Variants in CEP70 observed in about 807,000 individuals in gnomAD.
CEP70 encodes the protein centrosomal protein 70, also known as centrosomal protein of 70 kDa.
Under a neutral mutation model 90.9 loss-of-function variants are expected in CEP70, and 70 were observed. The observed-to-expected ratio is 0.77, with a 90% CI of 0.64 to 0.94. The LOEUF (loss-of-function observed/expected upper bound fraction) is 0.94. Ranked by LOEUF, CEP70 falls within the 40% of genes least tolerant of loss-of-function variation. The pLI, the probability that CEP70 is intolerant of heterozygous loss-of-function variation, is 0.00. For synonymous variants in CEP70, 220 were observed against 228.3 expected, an observed-to-expected ratio of 0.96 and a Z score of 0.33; for missense variants, 648 against 669.0, an observed-to-expected ratio of 0.97 and a Z score of 0.35.
chr3:138,519,556 C>A (rs577978308), intron 11 of CEP70, among the ~76,000 whole-genome samples: 4 of 152,112 alleles, frequency 2.6e-5, no homozygotes, highest in Admixed American at 6.6e-5. Flanking sequence ...GAATTTTCAA[C>A]CCAGAATTTC....
At chr3:138,569,394 A>C (rs140862089) in intron 6 of CEP70, among the ~76,000 whole-genome samples, 20 of 152,342 alleles carry the variant, frequency 1.3e-4, no homozygotes, top group African/African-American at 4.1e-4. Context: ...ATAATGACAT[A>C]ATGTTAGTAA....
intron 7 of CEP70, 198 bp downstream of exon 7, chr3:138,536,980 T>C (rs2038319705): frequency 2.8e-6 from 1 of 360,184 alleles, no homozygotes; most frequent in Non-Finnish European, 4.8e-6. Flanking sequence ...TTCAATTCCA[T>C]TCTTCAAAGG....
chr3:138,590,227 A>G (rs903509291), intron 2 of CEP70, among the ~76,000 whole-genome samples: 5 of 152,148 alleles, frequency 3.3e-5, no homozygotes, highest in African/African-American at 1.2e-4. Context: ...GTAAATATGG[A>G]ATATTCTATT....
chr3:138,559,535 C>G (rs2040246938), intron 6 of CEP70, among the ~76,000 whole-genome samples: 1 of 152,168 alleles, frequency 6.6e-6, no homozygotes, highest in Non-Finnish European at 1.5e-5. Flanking sequence ...GAGTTCAAGA[C>G]CAGCCTGGCC....
At chr3:138,587,637 A>G (rs1022597655) in intron 2 of CEP70, among the ~76,000 whole-genome samples, 2 of 152,028 alleles carry the variant, frequency 1.3e-5, no homozygotes, top group Non-Finnish European at 2.9e-5. Flanking sequence ...AAGATTAGCC[A>G]GGCATTGTGG....
intron 6 of CEP70, among the ~76,000 whole-genome samples, chr3:138,558,953 A>G (rs2108025939): frequency 6.6e-6 from 1 of 152,370 alleles, no homozygotes; most frequent in East Asian, 1.9e-4. Context: ...ACATAAAATT[A>G]ACCATTTTAA....
At chr3:138,505,560 A>G (rs1265138426) in intron 12 of CEP70, 95 bp from the exon 13 acceptor site, 1 of 678,392 alleles carries the variant, frequency 1.5e-6, no homozygotes, top group African/African-American at 1.9e-5. Flanking sequence ...TATATATTAT[A>G]TACACATATT....
intron 6 of CEP70, among the ~76,000 whole-genome samples, chr3:138,537,963 A>C (rs555729607): frequency 6.6e-6 from 1 of 152,178 alleles, no homozygotes; most frequent in South Asian, 2.1e-4. Flanking sequence ...GAAGTGAAAA[A>C]ATTTCAAGCA....
intron 10 of CEP70, among the ~76,000 whole-genome samples, chr3:138,527,098 G>A (rs1319149598): frequency 6.6e-6 from 1 of 152,160 alleles, no homozygotes; most frequent in African/African-American, 2.4e-5. Flanking sequence ...CAAATCAGTG[G>A]TTGTCTCAGG....
At chr3:138,548,138 G>A (rs2039355615) in intron 6 of CEP70, among the ~76,000 whole-genome samples, 2 of 152,054 alleles carry the variant, frequency 1.3e-5, no homozygotes, top group African/African-American at 4.8e-5. Flanking sequence ...ATATTAGCAG[G>A]CCAAATTCAA....
chr3:138,536,086 A>G (rs1049562521), intron 7 of CEP70, among the ~76,000 whole-genome samples: 1 of 152,058 alleles, frequency 6.6e-6, no homozygotes, highest in Non-Finnish European at 1.5e-5. Flanking sequence ...GAAACATCTA[A>G]TTATTCAAGA....
chr3:138,583,532 C>T (rs1295018860), intron 2 of CEP70, among the ~76,000 whole-genome samples: 2 of 152,134 alleles, frequency 1.3e-5, no homozygotes, highest in African/African-American at 4.8e-5. Flanking sequence ...GGATCATTCC[C>T]AAGGATGGAC....
intron 6 of CEP70, among the ~76,000 whole-genome samples, chr3:138,542,668 A>G (rs1002728737): frequency 6.6e-6 from 1 of 152,146 alleles, no homozygotes. Flanking sequence ...GGGCCCCTAG[A>G]AAGGTCACCA....
At chr3:138,534,752 G>A (rs1576697036) in intron 7 of CEP70, among the ~76,000 whole-genome samples, 1 of 152,258 alleles carries the variant, frequency 6.6e-6, no homozygotes, top group East Asian at 1.9e-4. Flanking sequence ...GGCCTGATAT[G>A]TCTACTTGGA....
At chr3:138,563,903 C>A (rs2108075751) in intron 6 of CEP70, among the ~76,000 whole-genome samples, 1 of 152,182 alleles carries the variant, frequency 6.6e-6, no homozygotes, top group South Asian at 2.1e-4. Flanking sequence ...ATCAATGAAT[C>A]CAGGAGCTGG....
rs146350897 is a variant in CEP70, at chr3:138,574,660, G to A, written c.-5-1728C>T. On this transcript the variant is annotated intron_variant, in intron 2 of 17. Transcript: ENST00000264982. ...CTACTCAAGTGGGTCCCTGACCTCCGTGTAGCCTAACTGGGAGACACCTCC... is the reference window on the plus strand; with the variant it reads ...CTACTCAAGTGGGTCCCTGACCTCCATGTAGCCTAACTGGGAGACACCTCC... 4.8e-3 allele frequency among the ~76,000 whole-genome samples: 728 copies of A among 152,296 alleles called. 4 individuals are homozygous for A. The highest frequency in any genetic ancestry group is 0.017 in the African/African-American group (698 of 41,566).
chr3:138,546,155 G>A (rs186529130), intron 6 of CEP70, among the ~76,000 whole-genome samples: 16 of 152,128 alleles, frequency 1.1e-4, no homozygotes, highest in Admixed American at 7.2e-4. Flanking sequence ...TGTCATCCCC[G>A]GAGGCCCAGC....
Position 138,537,239 on chromosome 3 carries a change from T to A in CEP70, c.574A>T (p.Thr192Ser). ...LKKEEEDRIV[T>S]QNRVFAYLCK... The stretch of plus-strand genomic sequence containing the variant: ...AGATAGGCAAACACTCTGTTTTGAG[T>A]GACAATGCGATCTTCTTCCTCCTTT... Residue 192 changes from threonine to serine, a missense_variant, in exon 7 of 18, where the codon ACT becomes TCT. Transcript: ENST00000264982. 6.2e-7 allele frequency: 1 copy of A among 1,606,752 alleles called. No individual in the cohort carries two copies.
chr3:138,541,667 A>C (rs1489125868), intron 6 of CEP70, among the ~76,000 whole-genome samples: 1 of 152,224 alleles, frequency 6.6e-6, no homozygotes, highest in Non-Finnish European at 1.5e-5. Context: ...ATACTCTAAT[A>C]ATATAATTGT....
Sources: allele counts gnomAD v4.1 joint callset (sites outside exome capture counted in the v4.1 genomes callset), GRCh38; gene constraint gnomAD v4.1.1; transcripts MANE v1.5; gene names NCBI Gene and HGNC (gene_info 2026-07-23, HGNC 2026-07-21).